Variants in ASB15 observed in about 807,000 individuals in gnomAD.
ASB15 encodes the protein ankyrin repeat and SOCS box protein 15.
ASB15 carries 54 observed loss-of-function variants against 58.0 expected under a neutral mutation model. The ratio of observed to expected loss-of-function variants is 0.93; its 90% CI spans 0.75 to 1.17. ASB15 has a LOEUF of 1.17. Among genes scored for constraint, ASB15 ranks in the 50% most tolerant of loss-of-function variants. ASB15 has a pLI of 0.00. For synonymous variants in ASB15, 249 were observed against 262.4 expected (o/e 0.95, Z 0.50); for missense variants, 680 against 707.4 (o/e 0.96, Z 0.44).
chr7:123,575,483 G>T (rs1242653418), intron 1 of ASB15, among the ~76,000 whole-genome samples: 2 of 151,996 alleles, frequency 1.3e-5, no homozygotes, highest in East Asian at 1.9e-4. Context: ...AACTTTAATT[G>T]TATCACTTCT....
intron 3 of ASB15, among the ~76,000 whole-genome samples, chr7:123,612,673 A>G (rs902383308): frequency 6.6e-6 from 1 of 152,222 alleles, no homozygotes; most frequent in Non-Finnish European, 1.5e-5. Context: ...AGAGTGAACA[A>G]TCAAATTTGT....
chr7:123,588,594 T>C (rs1229823490), intron 1 of ASB15, among the ~76,000 whole-genome samples: 1 of 150,986 alleles, frequency 6.6e-6, no homozygotes. Context: ...TTCCTTCCTT[T>C]CTGTCTTTTT....
intron 1 of ASB15, among the ~76,000 whole-genome samples, chr7:123,581,187 A>G (rs1442090995): frequency 6.6e-6 from 1 of 151,952 alleles, no homozygotes; most frequent in Non-Finnish European, 1.5e-5. Flanking sequence ...TGCTCAGGGC[A>G]TGAACACCGT....
At chr7:123,571,181 G>A (rs1798899159) in intron 1 of ASB15, among the ~76,000 whole-genome samples, 1 of 152,194 alleles carries the variant, frequency 6.6e-6, no homozygotes, top group Admixed American at 6.5e-5. Context: ...CACAGCAGTT[G>A]AGTACATGCT....
intron 1 of ASB15, among the ~76,000 whole-genome samples, chr7:123,578,740 C>A (rs1799141296): frequency 6.6e-6 from 1 of 152,042 alleles, no homozygotes; most frequent in African/African-American, 2.4e-5. Flanking sequence ...ATTTTATGTG[C>A]TAAAGTCCAC....
At chr7:123,626,991 C>T (rs1801832016) in intron 8 of ASB15, 119 bp from the exon 9 acceptor site, 4 of 1,046,084 alleles carry the variant, frequency 3.8e-6, no homozygotes, top group East Asian at 2.5e-5. Flanking sequence ...CCGCCTCAGC[C>T]TCCAGTGCTG....
chr7:123,585,862 C>T (rs1443355877), intron 1 of ASB15, among the ~76,000 whole-genome samples: 1 of 151,770 alleles, frequency 6.6e-6, no homozygotes, highest in East Asian at 1.9e-4. Flanking sequence ...ATTTCACCTA[C>T]TATAAGGTCC....
intron 7 of ASB15, among the ~76,000 whole-genome samples, chr7:123,623,934 AG>A (rs1801548567): frequency 2.4e-4 from 1 of 4,216 alleles, no homozygotes; most frequent in African/African-American, 8.8e-4. Flanking sequence ...AAGAAAGAAA[AG>A]AAAGAAAGAA....
Position 123,616,229 on chromosome 7 carries a change from C to G in ASB15, c.116C>G (p.Pro39Arg). The G allele has an allele frequency of 6.3e-7, 1 of 1,596,294 alleles. No individual in the cohort carries two copies. ...TTTTCTTTATCTCATAGATTTGTACCCCTAAGTGCTCAAAACAGAAAACTT... is the reference window on the plus strand; with the variant it reads ...TTTTCTTTATCTCATAGATTTGTACGCCTAAGTGCTCAAAACAGAAAACTT... ...KTALCPERFV[P>R]LSAQNRKLVE... is the part of the protein sequence containing the mutation. The change falls in exon 5 of 12, where the codon CCC becomes CGC. Residue 39 changes from proline to arginine, a missense_variant. Coordinates refer to ENST00000451215, the MANE Select transcript of ASB15 (RefSeq NM_001290258.2).
chr7:123,581,545 T>A (rs965247426), intron 1 of ASB15, among the ~76,000 whole-genome samples: 11 of 152,010 alleles, frequency 7.2e-5, no homozygotes, highest in African/African-American at 2.4e-4. Flanking sequence ...TGTGTCATGT[T>A]CTAAAGACCT....
At chr7:123,623,863 CA>C (rs752637761) in intron 7 of ASB15, among the ~76,000 whole-genome samples, 13 of 10,214 alleles carry the variant, frequency 1.3e-3, no homozygotes, top group East Asian at 4.2e-3. Flanking sequence ...GACTCTGTCT[CA>C]AAAAAAAAAA....
chr7:123,591,263 C>T (rs765772482), intron 1 of ASB15, among the ~76,000 whole-genome samples: 99 of 152,250 alleles, frequency 6.5e-4, no homozygotes, highest in Admixed American at 1.1e-3. Flanking sequence ...AATTTGACTT[C>T]CTCTTTTCCT....
chr7:123,594,727 G>T (rs1799644707), intron 1 of ASB15, among the ~76,000 whole-genome samples: 1 of 152,144 alleles, frequency 6.6e-6, no homozygotes, highest in Admixed American at 6.5e-5. Flanking sequence ...TCCCTGTCAG[G>T]CTACACGGGG....
chr7:123,578,930 C>T (rs902096244), intron 1 of ASB15, among the ~76,000 whole-genome samples: 4 of 151,838 alleles, frequency 2.6e-5, no homozygotes, highest in African/African-American at 9.7e-5. Context: ...ATTTTAGATT[C>T]GGGTGGTACA....
chr7:123,623,932 AAAGAAAGAAAG>A (rs1562935796), intron 7 of ASB15, among the ~76,000 whole-genome samples: 26 of 18,310 alleles, frequency 1.4e-3, no homozygotes, highest in African/African-American at 9.9e-3. Flanking sequence ...GAAAGAAAGA[AAAGAAAGAAAG>A]AAAGAAAGAA....
chr7:123,599,111 G>C (rs1799792564), upstream of ASB15, among the ~76,000 whole-genome samples: 1 of 151,886 alleles, frequency 6.6e-6, no homozygotes, highest in Admixed American at 6.6e-5. Flanking sequence ...CCAAAATAAT[G>C]GTCAAGTACA....
At chr7:123,595,382 T>C (rs993649581) in intron 1 of ASB15, among the ~76,000 whole-genome samples, 11 of 152,196 alleles carry the variant, frequency 7.2e-5, no homozygotes, top group African/African-American at 2.4e-4. Context: ...AACTTACATT[T>C]CATCTTCCTA....
Position 123,622,548 on chromosome 7 carries a change from G to A in ASB15, c.452-2021G>A, listed in dbSNP as rs141303800. Among the ~76,000 whole-genome samples the A allele has an allele frequency of 5.2e-3, 791 of 152,270 alleles. 4 individuals are homozygous for A. The highest frequency in any genetic ancestry group is 8.3e-3 in the Admixed American group (127 of 15,298). Reference sequence around the variant, plus strand: ...TTTTTAAAAACTATCTTAAGTTGAAGATGGCCCATTTATGCAGTTATTTTC... The same window carrying A: ...TTTTTAAAAACTATCTTAAGTTGAAAATGGCCCATTTATGCAGTTATTTTC... On this transcript the variant is annotated intron_variant, in intron 7 of 11. Coordinates refer to ENST00000451215, the MANE Select transcript of ASB15 (RefSeq NM_001290258.2).
At position 123,624,568 on chromosome 7, in the gene ASB15, G is replaced by C. The variant is rs200912565; in HGVS notation, c.452-1G>C. On this transcript the variant is annotated splice_acceptor_variant, in intron 7 of 11. Transcript: ENST00000451215. LOFTEE classifies it high-confidence loss of function. Reference sequence around the variant, plus strand: ...TGTTGTTTTTAACAATCATTTTCAAGCTGTGAAAAAGGGCTCCTATGACAT... The same window carrying C: ...TGTTGTTTTTAACAATCATTTTCAACCTGTGAAAAAGGGCTCCTATGACAT... 1.9e-6 allele frequency: 3 copies of C among 1,610,586 alleles called. No individual in the cohort carries two copies. The highest frequency in any genetic ancestry group is 4.5e-5 in the East Asian group (2 of 44,858).
Sources: gnomAD v4.1 joint callset for allele counts (sites outside exome capture counted in the v4.1 genomes callset) on GRCh38, gnomAD v4.1.1 for gene constraint, MANE v1.5 for transcripts, NCBI Gene and HGNC (gene_info 2026-07-23, HGNC 2026-07-21) for gene names.